Variants in SMPD3 observed in about 807,000 individuals in gnomAD.
The protein encoded by SMPD3 is sphingomyelin phosphodiesterase 3.
A neutral mutation model predicts 55.7 loss-of-function variants in SMPD3; 21 were observed. The ratio of observed to expected loss-of-function variants is 0.38; its 90% confidence interval spans 0.27 to 0.54. The LOEUF is 0.54. SMPD3 is among the 20% of genes least tolerant of loss of function. The pLI is 0.80. For missense variants in SMPD3, 842 were observed against 899.6 expected, an observed-to-expected ratio of 0.94 and a Z score of 0.82; for synonymous variants, 457 against 404.3, an observed-to-expected ratio of 1.13 and a Z score of -1.56.
intron 1 of SMPD3, among the ~76,000 whole-genome samples, chr16:68,399,531 G>T (rs1302695873): frequency 6.6e-6 from 1 of 152,204 alleles, no homozygotes; most frequent in African/African-American, 2.4e-5. Flanking sequence ...GGCCTGTGGG[G>T]TCCCCTTCAA....
chr16:68,438,389 T>C (rs1230150891), intron 1 of SMPD3, among the ~76,000 whole-genome samples: 5 of 152,220 alleles, frequency 3.3e-5, no homozygotes, highest in Non-Finnish European at 7.3e-5. Context: ...TCAACTGTGG[T>C]GCTACCTGGC....
intron 1 of SMPD3, among the ~76,000 whole-genome samples, chr16:68,397,456 C>T (rs12444999): frequency 0.045 from 6,829 of 152,240 alleles, 662 homozygotes; most frequent in East Asian, 0.41. Context: ...ATGGGGAACA[C>T]CCCGGTCAAG....
At chr16:68,435,395 G>T (rs1834101) in intron 1 of SMPD3, among the ~76,000 whole-genome samples, 113,936 of 152,152 alleles carry the variant, frequency 0.75, 43,202 homozygotes, top group East Asian at 0.88. Context: ...TCTTAACCAG[G>T]TATTGCTCTA....
At chr16:68,400,817 C>T (rs1227177880) in intron 1 of SMPD3, among the ~76,000 whole-genome samples, 1 of 152,220 alleles carries the variant, frequency 6.6e-6, no homozygotes, top group African/African-American at 2.4e-5. Flanking sequence ...GTCATACCAG[C>T]CCCTTCTGTG....
intron 1 of SMPD3, among the ~76,000 whole-genome samples, chr16:68,398,863 C>T (rs1025772955): frequency 6.6e-6 from 1 of 152,330 alleles, no homozygotes; most frequent in Admixed American, 6.5e-5. Flanking sequence ...CAGGCGGGAT[C>T]TGTGGCAGAG....
intron 5 of SMPD3, chr16:68,364,492 C>G (rs776695832): frequency 4.4e-5 from 21 of 481,254 alleles, no homozygotes; most frequent in Non-Finnish European, 7.3e-5. Context: ...CGTCCTTTGT[C>G]TGCTTCAGAG....
intron 1 of SMPD3, among the ~76,000 whole-genome samples, chr16:68,422,441 T>TTC (rs1418149131): frequency 7.2e-5 from 11 of 152,242 alleles, no homozygotes; most frequent in Non-Finnish European, 1.5e-4. Flanking sequence ...ATAAGGCCCC[T>TTC]GAGCAAGAAG....
chr16:68,373,382 C>T (rs1211042577), intron 2 of SMPD3, among the ~76,000 whole-genome samples: 1 of 152,222 alleles, frequency 6.6e-6, no homozygotes, highest in Non-Finnish European at 1.5e-5. Flanking sequence ...GCCCAGTCTC[C>T]GGGGACCCAC....
At chr16:68,390,399 C>T (rs765309344) in intron 1 of SMPD3, among the ~76,000 whole-genome samples, 6 of 152,162 alleles carry the variant, frequency 3.9e-5, no homozygotes, top group Non-Finnish European at 5.9e-5. Context: ...TGGTGGCTGA[C>T]GCCTGTAATC....
At chr16:68,418,597 A>G (rs1261917197) in intron 1 of SMPD3, among the ~76,000 whole-genome samples, 2 of 152,210 alleles carry the variant, frequency 1.3e-5, no homozygotes. Flanking sequence ...TGTTGACATC[A>G]CATCCCCCTG....
chr16:68,364,815 G>A lies in SMPD3; in HGVS notation c.1491C>T (p.Asn497=). Residue 497 remains asparagine (N), a synonymous_variant, in exon 5 of 9, where the codon AAC becomes AAT. Coordinates refer to ENST00000219334, the MANE Select transcript of SMPD3 (RefSeq NM_018667.4). ...RKSTSSSSAA[N]PEELVAFDVV... ...CGTCAAATGCCACCAGCTCCTCGGG[G>A]TTGGCTGCGCTGGACGAGGAGGTAG... 6.2e-7 allele frequency: 1 copy of A among 1,613,892 alleles called. No individual in the cohort carries two copies. The highest frequency in any genetic ancestry group is 8.5e-7 in the Non-Finnish European group (1 of 1,180,022).
At position 68,370,514 on chromosome 16, in the gene SMPD3, G is replaced by A. The variant is rs540377929; in HGVS notation, c.1323+345C>T. Among the ~76,000 whole-genome samples the A allele has an allele frequency of 5.9e-5, 9 of 152,140 alleles. No individual in the cohort carries two copies. The East Asian group carries it at 7.7e-4, about 13-fold the overall frequency. On this transcript the variant is annotated intron_variant, in intron 3 of 8. Transcript: ENST00000219334. The stretch of plus-strand genomic sequence containing the variant: ...CCACGGCTACCACCGCCACTCTTGC[G>A]CCAGCTCGGAACCCTTCCCAGGCCT...
At position 68,431,847 on chromosome 16, in the gene SMPD3, G is replaced by A. The variant is rs374067585; in HGVS notation, c.-269+16506C>T. Among the ~76,000 whole-genome samples the A allele has an allele frequency of 7.2e-5, 11 of 152,276 alleles. No homozygotes were observed. The East Asian group carries it at 7.7e-4, about 11-fold the overall frequency. ...TGGGGCAGGAGAATGACTTGAACCC[G>A]GCAGGTGGAGGTTGCAGTGAGCTGA... On this transcript the variant is annotated intron_variant, in intron 1 of 8. Coordinates refer to ENST00000219334, the MANE Select transcript of SMPD3 (RefSeq NM_018667.4).
At chr16:68,433,302 C>CCT (rs2090495016) in intron 1 of SMPD3, among the ~76,000 whole-genome samples, 1 of 152,236 alleles carries the variant, frequency 6.6e-6, no homozygotes, top group Non-Finnish European at 1.5e-5. Flanking sequence ...GGCATCCCTG[C>CCT]CTCACACTCA....
At chr16:68,443,225 A>G (rs1052205074) in intron 1 of SMPD3, among the ~76,000 whole-genome samples, 2 of 152,176 alleles carry the variant, frequency 1.3e-5, no homozygotes, top group African/African-American at 4.8e-5. Flanking sequence ...CACCTTCTGG[A>G]GTCTTGCAGC....
Position 68,361,608 on chromosome 16 carries a change from T to C in SMPD3, c.1861A>G (p.Lys621Glu). 1 of 1,607,952 alleles carries C rather than the reference T, an allele frequency of 6.2e-7. No homozygotes were observed. The highest frequency in any genetic ancestry group is 1.3e-5 in the African/African-American group (1 of 75,052). Residue 621 changes from lysine to glutamate, a missense_variant, in exon 8 of 9, where the codon AAG becomes GAG. Coordinates refer to ENST00000219334, the MANE Select transcript of SMPD3 (RefSeq NM_018667.4). ...GCTGGGCCCTCCTGACTCACGGCCT[T>C]CCAGTCTGGGCACAGCCCCTCCTCT... ...HAEEGLCPDW[K>E]AEVEEFSFIT...
At chr16:68,368,910 TATCTTG>T (rs2089569998) in intron 3 of SMPD3, 1 of 152,212 alleles carries the variant, frequency 6.6e-6, no homozygotes, top group East Asian at 1.9e-4. Flanking sequence ...TTCTGTGAAA[TATCTTG>T]ATTTTAACAT....
chr16:68,436,183 C>T (rs1027102135), intron 1 of SMPD3, among the ~76,000 whole-genome samples: 8 of 152,172 alleles, frequency 5.3e-5, no homozygotes, highest in African/African-American at 1.9e-4. Context: ...AAACTGAGGT[C>T]CAGAGACATA....
At chr16:68,444,726 C>T (rs2090597125) in intron 1 of SMPD3, among the ~76,000 whole-genome samples, 1 of 152,184 alleles carries the variant, frequency 6.6e-6, no homozygotes, top group African/African-American at 2.4e-5. Context: ...ACGTTATTGC[C>T]TGTAGGTGAT....
Sources: allele counts gnomAD v4.1 joint callset (sites outside exome capture counted in the v4.1 genomes callset), GRCh38; gene constraint gnomAD v4.1.1; transcripts MANE v1.5; gene names NCBI Gene and HGNC (gene_info 2026-07-23, HGNC 2026-07-21).